Variants in MTERF4 observed in about 807,000 individuals in gnomAD.
MTERF4 encodes the protein transcription termination factor 4, mitochondrial.
In MTERF4, 17 loss-of-function variants were observed where a neutral mutation model predicts 22.5. The observed-to-expected ratio is 0.75, with a 90% CI of 0.52 to 1.13. The LOEUF (loss-of-function observed/expected upper bound fraction) is 1.13. Ranked by LOEUF, MTERF4 falls within the 50% of genes most tolerant of loss-of-function variation. MTERF4 has a pLI of 0.00. For synonymous variants in MTERF4, 165 were observed against 175.3 expected, an observed-to-expected ratio of 0.94 and a Z score of 0.47; for missense variants, 420 against 466.8, an observed-to-expected ratio of 0.90 and a Z score of 0.92.
At chr2:241,091,700 G>C (rs138682180), downstream of MTERF4, 6 of 152,338 alleles carry the variant, frequency 3.9e-5, no homozygotes, top group African/African-American at 1.4e-4. The surrounding 1 kb of genome is among the most constrained non-coding windows in gnomAD (Gnocchi z 4.1). Flanking sequence ...AGGAAGATGA[G>C]GTCTAAAAAC....
the MTERF4 span, among the ~76,000 whole-genome samples, chr2:241,062,078 TAAAC>T: frequency 2.6e-5 from 4 of 152,182 alleles, no homozygotes; most frequent in Non-Finnish European, 4.4e-5. Context: ...ATAAAGTTCA[TAAAC>T]AACAAAAACA....
At chr2:241,087,729 C>T, downstream of MTERF4, 2 of 1,329,340 alleles carry the variant, frequency 1.5e-6, no homozygotes, top group East Asian at 2.8e-5. Context: ...TGCATATTCA[C>T]ACAGAACATG....
downstream of MTERF4, chr2:241,071,700 G>T: frequency 6.7e-7 from 1 of 1,502,386 alleles, no homozygotes; most frequent in Admixed American, 2.0e-5. Context: ...GCGCCCCCGA[G>T]ACCCCCACCC....
At chr2:241,042,842 A>G in the MTERF4 span, among the ~76,000 whole-genome samples, 1 of 152,236 alleles carries the variant, frequency 6.6e-6, no homozygotes, top group Non-Finnish European at 1.5e-5. Flanking sequence ...TAAAAGAAAA[A>G]GAAGAGATCT....
chr2:241,064,799 C>T, the MTERF4 span: 2 of 1,395,506 alleles, frequency 1.4e-6, no homozygotes, highest in Non-Finnish European at 1.9e-6. The surrounding 1 kb of genome is among the most constrained non-coding windows in gnomAD (Gnocchi z 7.0). Context: ...GAGCAGGGAC[C>T]CCTGGCCACG....
intron 1 of MTERF4, among the ~76,000 whole-genome samples, chr2:241,100,623 T>C (rs1164811780): frequency 6.6e-6 from 1 of 152,072 alleles, no homozygotes; most frequent in African/African-American, 2.4e-5. Context: ...CACTACACCC[T>C]GCTAATTTTT....
At chr2:241,063,303 CA>C in the MTERF4 span, 1 of 516,810 alleles carries the variant, frequency 1.9e-6, no homozygotes, top group Non-Finnish European at 3.5e-6. Flanking sequence ...GGGCAAGGCC[CA>C]GGGAGCCGTG....
intron 2 of MTERF4, 91 bp from the exon 3 acceptor site, chr2:241,097,518 A>G: frequency 8.0e-7 from 1 of 1,253,204 alleles, no homozygotes; most frequent in Non-Finnish European, 1.1e-6. Context: ...TCCACATTTA[A>G]AAACAAACAA....
chr2:241,068,976 A>G (rs560940307), downstream of MTERF4: 5 of 1,556,704 alleles, frequency 3.2e-6, no homozygotes, highest in African/African-American at 4.1e-5. This position sits in a 1 kb window ranked among gnomAD's most constrained non-coding sequence, Gnocchi z 5.3. Context: ...AGGGGAGAGG[A>G]GCACCCCACA....
downstream of MTERF4, chr2:241,067,778 G>A: frequency 6.2e-7 from 1 of 1,608,238 alleles, no homozygotes; most frequent in Non-Finnish European, 8.5e-7. Flanking sequence ...CCGCCCTGTG[G>A]AAGGCTTCGA....
chr2:241,087,578 C>T (rs2063647903), downstream of MTERF4: 2 of 1,464,950 alleles, frequency 1.4e-6, no homozygotes, highest in South Asian at 2.9e-5. Flanking sequence ...TGGGCTGAGC[C>T]AGGCGGTCTA....
the MTERF4 span, chr2:241,052,156 A>G: frequency 8.7e-6 from 14 of 1,612,266 alleles, no homozygotes; most frequent in Non-Finnish European, 1.2e-5. Flanking sequence ...ACTGCGAGAT[A>G]GGTAAGGTGG....
intron 4 of MTERF4, among the ~76,000 whole-genome samples, chr2:241,076,225 T>A (rs985611369): frequency 3.3e-5 from 5 of 152,224 alleles, no homozygotes; most frequent in Non-Finnish European, 7.3e-5. Context: ...ATTGACCATT[T>A]TTGTGAAAAT....
At chr2:241,077,892 C>T (rs1473909942) in intron 4 of MTERF4, among the ~76,000 whole-genome samples, 1 of 152,130 alleles carries the variant, frequency 6.6e-6, no homozygotes, top group Non-Finnish European at 1.5e-5. Flanking sequence ...TAAAGTGGTA[C>T]AGCTGCTCTG....
At chr2:241,071,580 C>A (rs1186097528), downstream of MTERF4, 1 of 1,586,024 alleles carries the variant, frequency 6.3e-7, no homozygotes, top group South Asian at 1.1e-5. Context: ...CTGCAGCCCC[C>A]AGGGATGGCG....
intron 4 of MTERF4, among the ~76,000 whole-genome samples, chr2:241,078,476 G>A (rs756435833): frequency 6.6e-6 from 1 of 151,690 alleles, no homozygotes; most frequent in African/African-American, 2.4e-5. Context: ...AAACAAGGAC[G>A]CATGCTGCAT....
At chr2:241,068,183 T>G (rs1359872393), downstream of MTERF4, among the ~76,000 whole-genome samples, 1 of 151,906 alleles carries the variant, frequency 6.6e-6, no homozygotes, top group Non-Finnish European at 1.5e-5. This position sits in a 1 kb window ranked among gnomAD's most constrained non-coding sequence, Gnocchi z 5.3. Flanking sequence ...TTTTAAAGTG[T>G]CCAAAAAGAG....
At chr2:241,079,675 C>A (rs1559307164) in intron 4 of MTERF4, among the ~76,000 whole-genome samples, 1 of 151,982 alleles carries the variant, frequency 6.6e-6, no homozygotes, top group South Asian at 2.1e-4. Context: ...AAAGGCAACA[C>A]CTAAAAATTG....
chr2:241,087,233 C>A (rs1377538861), downstream of MTERF4: 1 of 614,272 alleles, frequency 1.6e-6, no homozygotes, highest in Non-Finnish European at 2.9e-6. Flanking sequence ...TTATGTTAGA[C>A]ATTTTAATAC....
Sources: allele counts gnomAD v4.1 joint callset (sites outside exome capture counted in the v4.1 genomes callset), GRCh38; gene constraint gnomAD v4.1.1; non-coding constraint Gnocchi (gnomAD v3.1); transcripts MANE v1.5; gene names NCBI Gene and HGNC (gene_info 2026-07-23, HGNC 2026-07-21).